CNTNAP2: variants seen among roughly 807,000 people sequenced by gnomAD.
CNTNAP2 encodes contactin-associated protein-like 2.
CNTNAP2 carries 98 observed loss-of-function variants against 155.2 expected under a neutral mutation model. That is an observed-to-expected ratio of 0.63 (90% confidence interval 0.54 to 0.75). CNTNAP2 has a LOEUF of 0.75. CNTNAP2 is among the 30% of genes least tolerant of loss of function. CNTNAP2 has a pLI of 0.00. For synonymous variants in CNTNAP2, 651 were observed against 631.2 expected, an observed-to-expected ratio of 1.03 and a Z score of -0.47; for missense variants, 1,727 against 1,688.1, an observed-to-expected ratio of 1.02 and a Z score of -0.40.
At chr7:146,231,810 T>C (rs778645652) in intron 1 of CNTNAP2, among the ~76,000 whole-genome samples, 19 of 152,198 alleles carry the variant, frequency 1.2e-4, no homozygotes, top group Non-Finnish European at 2.6e-4. Context: ...AAGAATTCCC[T>C]GGAAAGGAAC....
intron 1 of CNTNAP2, among the ~76,000 whole-genome samples, chr7:146,757,193 T>C (rs1388235324): frequency 6.6e-6 from 1 of 152,118 alleles, no homozygotes; most frequent in Non-Finnish European, 1.5e-5. Flanking sequence ...TTTCTTGAAA[T>C]CCAGATATGT....
At chr7:148,220,158 A>G (rs1795718638) in intron 19 of CNTNAP2, among the ~76,000 whole-genome samples, 1 of 152,258 alleles carries the variant, frequency 6.6e-6, no homozygotes, top group African/African-American at 2.4e-5. Flanking sequence ...GCCGGAGTGC[A>G]GTGGCATGAT....
intron 4 of CNTNAP2, among the ~76,000 whole-genome samples, chr7:147,071,696 T>C (rs1799895577): frequency 6.6e-6 from 1 of 152,166 alleles, no homozygotes; most frequent in South Asian, 2.1e-4. Flanking sequence ...GAAAAGAAGA[T>C]ACGGGTAGTT....
intron 1 of CNTNAP2, among the ~76,000 whole-genome samples, chr7:146,704,342 G>A (rs344454): frequency 0.26 from 40,157 of 152,050 alleles, 13,762 homozygotes; most frequent in African/African-American, 0.8. Flanking sequence ...AGGAGAATAA[G>A]AGAAAGTTTT....
intron 15 of CNTNAP2, among the ~76,000 whole-genome samples, chr7:148,029,739 C>T (rs886349728): frequency 6.6e-6 from 1 of 152,156 alleles, no homozygotes; most frequent in Admixed American, 6.6e-5. Flanking sequence ...TATTCCACCA[C>T]ATATAAATTT....
intron 8 of CNTNAP2, among the ~76,000 whole-genome samples, chr7:147,287,040 A>G (rs1027680061): frequency 6.6e-6 from 1 of 152,134 alleles, no homozygotes; most frequent in Non-Finnish European, 1.5e-5. Flanking sequence ...GGTGAGAAAT[A>G]TTTTATTCAG....
At chr7:147,210,562 C>T (rs1563117385) in intron 8 of CNTNAP2, among the ~76,000 whole-genome samples, 1 of 151,690 alleles carries the variant, frequency 6.6e-6, no homozygotes, top group Non-Finnish European at 1.5e-5. Context: ...TTCATTGATT[C>T]TTTGTAATGG....
intron 1 of CNTNAP2, among the ~76,000 whole-genome samples, chr7:146,644,310 T>C (rs1055347847): frequency 8.5e-5 from 13 of 152,180 alleles, no homozygotes; most frequent in Admixed American, 5.2e-4. Context: ...ACAGCTCTTA[T>C]TATTTTGAGA....
chr7:148,293,547 T>A (rs1028654357), intron 21 of CNTNAP2, among the ~76,000 whole-genome samples: 1 of 152,202 alleles, frequency 6.6e-6, no homozygotes, highest in Non-Finnish European at 1.5e-5. Flanking sequence ...CCCCCAAAAT[T>A]AAAGTATAGT....
At chr7:147,389,480 C>A (rs1796674119) in intron 9 of CNTNAP2, among the ~76,000 whole-genome samples, 1 of 152,164 alleles carries the variant, frequency 6.6e-6, no homozygotes, top group South Asian at 2.1e-4. Flanking sequence ...AATGTCAAAA[C>A]AAATATCAGC....
chr7:146,749,955 C>T (rs1030007717), intron 1 of CNTNAP2, among the ~76,000 whole-genome samples: 2 of 152,118 alleles, frequency 1.3e-5, no homozygotes, highest in East Asian at 3.9e-4. Flanking sequence ...ATGAAAGGCA[C>T]AGTTTCTTCA....
chr7:146,362,653 A>C (rs1034014820), intron 1 of CNTNAP2, among the ~76,000 whole-genome samples: 4 of 152,188 alleles, frequency 2.6e-5, no homozygotes, highest in Non-Finnish European at 5.9e-5. Context: ...GTAAGCTAAA[A>C]ATAAAGAAGC....
rs141315341 is a variant in CNTNAP2, at chr7:147,642,987, A to G, written c.2098+3681A>G. On this transcript the variant is annotated intron_variant, in intron 13 of 23. Coordinates refer to ENST00000361727, the MANE Select transcript of CNTNAP2 (RefSeq NM_014141.6). ...GTGGTTTAAGCAGGAGTGTGCATCA[A>G]AATTTTTAGGTTGCTTGTCAAAATG... is the stretch of plus-strand genomic sequence containing the variant. Among the ~76,000 whole-genome samples, 658 of 152,250 alleles carry G rather than the reference A, an allele frequency of 4.3e-3. 4 individuals carry two copies. The highest frequency in any genetic ancestry group is 0.014 in the African/African-American group (595 of 41,544).
At chr7:147,415,359 A>C (rs1158883350) in intron 10 of CNTNAP2, among the ~76,000 whole-genome samples, 1 of 152,210 alleles carries the variant, frequency 6.6e-6, no homozygotes, top group Non-Finnish European at 1.5e-5. Flanking sequence ...CTCATCTTGA[A>C]TTGTCATCCC....
chr7:147,775,610 A>G (rs1326839817), intron 13 of CNTNAP2, among the ~76,000 whole-genome samples: 3 of 151,118 alleles, frequency 2.0e-5, no homozygotes, highest in Non-Finnish European at 2.9e-5. Context: ...GAGTCCCTTG[A>G]CTTTTCAGAG....
intron 21 of CNTNAP2, among the ~76,000 whole-genome samples, chr7:148,307,979 A>C (rs1340263602): frequency 1.3e-5 from 2 of 152,208 alleles, no homozygotes; most frequent in African/African-American, 2.4e-5. Flanking sequence ...TCTCAAAAAA[A>C]AGAATATACT....
chr7:148,071,031 A>T (rs1033457589), intron 15 of CNTNAP2, among the ~76,000 whole-genome samples: 1 of 152,204 alleles, frequency 6.6e-6, no homozygotes, highest in Non-Finnish European at 1.5e-5. Flanking sequence ...AGCCTCTTCT[A>T]CTTCAAAAAT....
chr7:147,749,432 C>T lies in CNTNAP2; in HGVS notation c.2098+110126C>T, dbSNP rs539563947. 9.9e-5 allele frequency among the ~76,000 whole-genome samples: 15 copies of T among 152,188 alleles called. No homozygotes were observed. The South Asian group carries it at 2.7e-3, about 27-fold the overall frequency. On this transcript the variant is annotated intron_variant, in intron 13 of 23. Transcript: ENST00000361727. ...AAATAAATATTTTGACAGCACATCT[C>T]GTCATTTTCTGAAAATTGAATCCAA...
Position 148,217,421 on chromosome 7 carries a change from G to A in CNTNAP2, c.3144G>A (p.Gln1048=). The A allele has an allele frequency of 1.2e-6, 2 of 1,614,198 alleles. No individual in the cohort carries two copies. Among genetic ancestry groups the A allele is most frequent in the South Asian group, 1.1e-5 (1 of 91,082 alleles). The change falls in exon 19 of 24, where the codon CAG becomes CAA. Residue 1048 remains glutamine (Q), a synonymous_variant. Coordinates refer to ENST00000361727, the MANE Select transcript of CNTNAP2 (RefSeq NM_014141.6). ...DQQNSHPDLA[Q]EEIRFSFSTT... is the part of the protein sequence containing the mutation. ...AGAACTCCCACCCGGACCTGGCACAGGAGGAGATCCGCTTCAGCTTCAGCA... is the reference window on the plus strand; with the variant it reads ...AGAACTCCCACCCGGACCTGGCACAAGAGGAGATCCGCTTCAGCTTCAGCA...
Sources: gnomAD v4.1 joint callset for allele counts (sites outside exome capture counted in the v4.1 genomes callset) on GRCh38, gnomAD v4.1.1 for gene constraint, MANE v1.5 for transcripts, NCBI Gene and HGNC (gene_info 2026-07-23, HGNC 2026-07-21) for gene names.